SGCD: variants seen among roughly 807,000 people sequenced by gnomAD.
The protein encoded by SGCD is sarcoglycan delta, also known as delta-sarcoglycan.
Under a neutral mutation model 36.6 loss-of-function variants are expected in SGCD, and 18 were observed. The observed-to-expected ratio is 0.49, with a 90% CI of 0.34 to 0.73. The LOEUF (loss-of-function observed/expected upper bound fraction) is 0.73. SGCD is among the 30% of genes least tolerant of loss of function. The probability of loss-of-function intolerance (pLI) is 0.01; values close to 1 mark genes in which losing one functional copy is unlikely to be tolerated. For missense variants in SGCD, 387 were observed against 346.7 expected (o/e 1.12, Z -0.92); for synonymous variants, 133 against 130.6 (o/e 1.02, Z -0.12).
At chr5:155,902,699 G>T (rs1216689941) in intron 1 of SGCD, among the ~76,000 whole-genome samples, 3 of 152,170 alleles carry the variant, frequency 2.0e-5, no homozygotes, top group Non-Finnish European at 4.4e-5. Flanking sequence ...CTATTATCAA[G>T]ATTAAATTTG....
At chr5:156,269,291 A>T (rs1766091189) in intron 3 of SGCD, among the ~76,000 whole-genome samples, 1 of 151,734 alleles carries the variant, frequency 6.6e-6, no homozygotes, top group Non-Finnish European at 1.5e-5. Context: ...AACATGGTGA[A>T]ACCCTGTCTC....
At chr5:156,741,898 CAG>C (rs1756695163) in intron 7 of SGCD, among the ~76,000 whole-genome samples, 1 of 150,212 alleles carries the variant, frequency 6.7e-6, no homozygotes, top group African/African-American at 2.5e-5. Context: ...TTTTTTGAGA[CAG>C]AGTCTTGCTT....
chr5:156,522,618 C>T (rs577815668), intron 4 of SGCD, among the ~76,000 whole-genome samples: 3 of 152,100 alleles, frequency 2.0e-5, no homozygotes, highest in Non-Finnish European at 4.4e-5. Flanking sequence ...TCAGGAAAAA[C>T]AGTTAATGCA....
In SGCD at chr5:156,423,163, T is replaced by TTTAAA. The variant is rs1238069808; in HGVS notation, c.192+78487_192+78488insTAAAT. 7.2e-4 allele frequency among the ~76,000 whole-genome samples: 10 copies of TTTAAA among 13,828 alleles called. No individual in the cohort carries two copies. The South Asian group carries it at 0.025, about 35-fold the overall frequency. 9.1% of individuals were successfully genotyped at this position (13,828 alleles called of 152,430 possible). Reference sequence around the variant, plus strand: ...TAATATTTAATTAATTATTTAAATATTATATTTAATATAATTAATTATATA... The same window carrying TTTAAA: ...TAATATTTAATTAATTATTTAAATATTTAAATATATTTAATATAATTAATTATATA... On this transcript the variant is annotated intron_variant, in intron 3 of 8. Transcript: ENST00000337851.
intron 7 of SGCD, among the ~76,000 whole-genome samples, chr5:156,737,411 T>C (rs1055480910): frequency 1.1e-4 from 16 of 152,232 alleles, no homozygotes; most frequent in Admixed American, 3.3e-4. Flanking sequence ...TCCTACAATG[T>C]TTTATTTAGC....
chr5:155,796,334 C>T, the SGCD span, among the ~76,000 whole-genome samples: 1 of 151,956 alleles, frequency 6.6e-6, no homozygotes, highest in Non-Finnish European at 1.5e-5. Context: ...GAAATTATAC[C>T]TCACACTCTA....
At chr5:156,554,354 C>CA (rs58256540) in intron 4 of SGCD, among the ~76,000 whole-genome samples, 6,589 of 88,656 alleles carry the variant, frequency 0.074, 296 homozygotes, top group African/African-American at 0.17. Context: ...GAGTCTGTCT[C>CA]AAAAAAAAAA....
At chr5:156,041,597 A>G (rs942707191) in intron 1 of SGCD, among the ~76,000 whole-genome samples, 5 of 152,284 alleles carry the variant, frequency 3.3e-5, no homozygotes, top group Middle Eastern at 3.4e-3. Context: ...TTGAGTACCT[A>G]TTATGTAAAG....
chr5:156,709,101 A>G (rs1332574597), intron 7 of SGCD, among the ~76,000 whole-genome samples: 1 of 152,212 alleles, frequency 6.6e-6, no homozygotes, highest in Non-Finnish European at 1.5e-5. Flanking sequence ...AGGTGAAGAT[A>G]GAGAGCTGCT....
intron 1 of SGCD, among the ~76,000 whole-genome samples, chr5:155,880,639 T>C (rs1172598460): frequency 6.6e-6 from 1 of 152,158 alleles, no homozygotes; most frequent in Non-Finnish European, 1.5e-5. Flanking sequence ...AAAGAAATGC[T>C]ATTATTTACA....
At chr5:156,482,107 G>T (rs574845300) in intron 3 of SGCD, among the ~76,000 whole-genome samples, 1 of 152,292 alleles carries the variant, frequency 6.6e-6, no homozygotes, top group African/African-American at 2.4e-5. Context: ...CAAAGCAGTT[G>T]CTGAGACTGA....
chr5:156,246,885 T>C (rs1359003776), intron 3 of SGCD, among the ~76,000 whole-genome samples: 1 of 152,144 alleles, frequency 6.6e-6, no homozygotes, highest in Non-Finnish European at 1.5e-5. Flanking sequence ...ATGACCACTT[T>C]AGGCCTAAAA....
rs550272594 is a variant in SGCD, at chr5:155,900,818, C to T, written c.-282+30394C>T. Among the ~76,000 whole-genome samples, 137 of 151,638 alleles carry T rather than the reference C, an allele frequency of 9.0e-4. No homozygotes were observed. The South Asian group carries it at 0.014, about 15-fold the overall frequency. Reference sequence around the variant, plus strand: ...TTTTATTATTCAATAAAGATTTTTCCAACTTGAGGTATAACTGGTAATAAA... The same window carrying T: ...TTTTATTATTCAATAAAGATTTTTCTAACTTGAGGTATAACTGGTAATAAA... On this transcript the variant is annotated intron_variant, in intron 1 of 9. Transcript: ENST00000517913.
chr5:156,297,341 A>G (rs914343382), intron 3 of SGCD, among the ~76,000 whole-genome samples: 6 of 152,086 alleles, frequency 3.9e-5, no homozygotes, highest in Admixed American at 6.6e-5. Flanking sequence ...CTGCACACGT[A>G]TGTTTATTGC....
chr5:155,986,490 A>T (rs116086410), intron 1 of SGCD, among the ~76,000 whole-genome samples: 1 of 152,308 alleles, frequency 6.6e-6, no homozygotes, highest in African/African-American at 2.4e-5. Context: ...GAAGCCTGAG[A>T]TGAGCATGGC....
intron 7 of SGCD, among the ~76,000 whole-genome samples, chr5:156,752,401 T>A (rs1002289414): frequency 6.6e-6 from 1 of 152,146 alleles, no homozygotes; most frequent in African/African-American, 2.4e-5. Context: ...TCTTTCTTTT[T>A]TTCCCCCCCA....
chr5:155,977,778 C>A (rs1403994311), intron 1 of SGCD, among the ~76,000 whole-genome samples: 1 of 152,126 alleles, frequency 6.6e-6, no homozygotes, highest in East Asian at 1.9e-4. Flanking sequence ...TGGATATTTT[C>A]ATAAGTGGGT....
At chr5:156,466,799 A>C (rs1754739581) in intron 3 of SGCD, among the ~76,000 whole-genome samples, 1 of 152,254 alleles carries the variant, frequency 6.6e-6, no homozygotes, top group Non-Finnish European at 1.5e-5. Context: ...TACCAAAAAA[A>C]GAACTTTCTA....
chr5:155,824,523 G>A, the SGCD span, among the ~76,000 whole-genome samples: 79 of 152,126 alleles, frequency 5.2e-4, no homozygotes, highest in Middle Eastern at 6.8e-3. Flanking sequence ...TATTTTATAT[G>A]CACCATAACT....
Sources: allele counts gnomAD v4.1 joint callset (sites outside exome capture counted in the v4.1 genomes callset), GRCh38; gene constraint gnomAD v4.1.1; transcripts MANE v1.5; gene names NCBI Gene and HGNC (gene_info 2026-07-23, HGNC 2026-07-21).